The following TRIML2 variants were observed in gnomAD, a reference collection of about 807,000 sequenced individuals.
TRIML2 encodes the protein tripartite motif family like 2.
Under a neutral mutation model 31.2 loss-of-function variants are expected in TRIML2, and 28 were observed. The ratio of observed to expected loss-of-function variants is 0.90; its 90% CI spans 0.66 to 1.23. TRIML2 has a LOEUF of 1.23. Among genes scored for constraint, TRIML2 ranks in the 50% most tolerant of loss-of-function variants. The pLI is 0.00. For missense variants in TRIML2, 536 were observed against 528.3 expected, an observed-to-expected ratio of 1.01 and a Z score of -0.14; for synonymous variants, 187 against 197.5, an observed-to-expected ratio of 0.95 and a Z score of 0.45.
chr4:188,104,721 A>C (rs889014044), intron 3 of TRIML2, 116 bp downstream of exon 3: 40 of 882,986 alleles, frequency 4.5e-5, no homozygotes, highest in Non-Finnish European at 6.8e-5. Flanking sequence ...TCCTTCCTAT[A>C]GATTTCACAT....
intron 7 of TRIML2, 67 bp from the exon 8 acceptor site, chr4:188,092,008 T>C: frequency 6.7e-7 from 1 of 1,502,256 alleles, no homozygotes; most frequent in Non-Finnish European, 9.0e-7. Context: ...ACATGATTTC[T>C]AACACACCTG....
chr4:188,101,586 C>A (rs1466517406), intron 3 of TRIML2, among the ~76,000 whole-genome samples: 1 of 151,678 alleles, frequency 6.6e-6, no homozygotes, highest in African/African-American at 2.4e-5. Flanking sequence ...CCCAGCTACT[C>A]GGAAGGCTAA....
At position 188,101,190 on chromosome 4, in the gene TRIML2, A is replaced by G. The variant is rs1287129614; in HGVS notation, c.346T>C (p.Leu116=). ...AGATTCTGCTCACACTCTTCATTCAACAACCGGAGTCTCATACTATACTCA... is the reference window on the plus strand; with the variant it reads ...AGATTCTGCTCACACTCTTCATTCAGCAACCGGAGTCTCATACTATACTCA... ...ESEYSMRLRL[L]NEECEQNLQR... Residue 116 remains leucine (L), a synonymous_variant, in exon 4 of 8, where the codon TTG becomes CTG. Transcript: ENST00000682553. 1.2e-6 allele frequency: 2 copies of G among 1,613,646 alleles called. No homozygotes were observed. Among genetic ancestry groups the G allele is most frequent in the South Asian group, 1.1e-5 (1 of 91,052 alleles).
At chr4:188,099,424 C>T (rs200713373) in intron 4 of TRIML2, among the ~76,000 whole-genome samples, 19 of 152,110 alleles carry the variant, frequency 1.2e-4, no homozygotes, top group East Asian at 3.9e-4. Flanking sequence ...ATTAGCCAGG[C>T]GTGGTGGCGG....
intron 4 of TRIML2, among the ~76,000 whole-genome samples, chr4:188,100,796 T>G (rs976232085): frequency 4.6e-5 from 7 of 152,208 alleles, no homozygotes; most frequent in Admixed American, 1.3e-4. Flanking sequence ...CCCAGGTGTC[T>G]TTTTCTATGT....
intron 3 of TRIML2, among the ~76,000 whole-genome samples, chr4:188,102,930 C>T (rs1733861442): frequency 6.6e-6 from 1 of 151,660 alleles, no homozygotes; most frequent in Admixed American, 6.6e-5. Flanking sequence ...TACCTGTCCC[C>T]CAGCTCACCA....
rs111813797 is a variant in TRIML2 at position 188,096,904 on chromosome 4, G to A, written c.745+157C>T. On this transcript the variant is annotated intron_variant, in intron 7 of 7. Transcript: ENST00000682553. ...ACTCCTGGCCTCAAGCAAACCGCCC[G>A]CCTTGGCCTCCCAAAGTGCTGGGAT... 1.6e-3 allele frequency among the ~76,000 whole-genome samples: 250 copies of A among 152,146 alleles called. 3 individuals carry two copies. The highest frequency in any genetic ancestry group is 5.8e-3 in the African/African-American group (242 of 41,512).
chr4:188,099,874 A>C (rs1018404752), intron 4 of TRIML2, among the ~76,000 whole-genome samples: 3 of 152,224 alleles, frequency 2.0e-5, no homozygotes, highest in African/African-American at 7.2e-5. Flanking sequence ...TAGATTAACT[A>C]ATAAGAAATA....
At chr4:188,092,579 A>T (rs1733315890) in intron 7 of TRIML2, among the ~76,000 whole-genome samples, 1 of 152,092 alleles carries the variant, frequency 6.6e-6, no homozygotes. Flanking sequence ...GGTCTTCTAG[A>T]TCTCCAAGCC....
At chr4:188,096,260 C>T (rs958278303) in intron 7 of TRIML2, among the ~76,000 whole-genome samples, 6 of 151,346 alleles carry the variant, frequency 4.0e-5, no homozygotes, top group African/African-American at 9.7e-5. Flanking sequence ...ATTAGCCAGG[C>T]GTGGTGGCTC....
chr4:188,106,358 G>A (rs1257635115), intron 1 of TRIML2, among the ~76,000 whole-genome samples: 2 of 152,168 alleles, frequency 1.3e-5, no homozygotes, highest in African/African-American at 4.8e-5. Flanking sequence ...GCCGAAAACG[G>A]CTCTTCTAAG....
rs10607852 is a variant in TRIML2 at position 188,096,528 on chromosome 4, C to CAAAAAA, written c.745+527_745+532dup. On this transcript the variant is annotated intron_variant, in intron 7 of 7. Coordinates refer to ENST00000682553, the MANE Select transcript of TRIML2 (RefSeq NM_173553.4). ...GCCTGGGCAAAGTGAAACTCTGTCT[C>CAAAAAA]AAAAAAAAAAAAAAAAAAAAAAAAA... Among the ~76,000 whole-genome samples the CAAAAAA allele has an allele frequency of 5.1e-3, 200 of 39,286 alleles. 21 individuals are homozygous for CAAAAAA. Among genetic ancestry groups the CAAAAAA allele is most frequent in the Non-Finnish European group, 7.6e-3 (155 of 20,430 alleles). 25.8% of individuals were successfully genotyped at this position (39,286 alleles called of 152,430 possible). A position where few individuals can be genotyped will look rare whatever the true frequency, so the allele number is the denominator to read the frequency against.
intron 7 of TRIML2, chr4:188,092,807 A>G (rs753593354): frequency 4.0e-5 from 18 of 455,370 alleles, no homozygotes; most frequent in African/African-American, 1.0e-4. Context: ...CGCAGGCTCA[A>G]TGAATTCCTC....
At chr4:188,103,007 T>G (rs1483346230) in intron 3 of TRIML2, among the ~76,000 whole-genome samples, 1 of 49,880 alleles carries the variant, frequency 2.0e-5, no homozygotes, top group Non-Finnish European at 3.9e-5. Flanking sequence ...CTCTCTTGGT[T>G]TTTTTTTTTT....
intron 4 of TRIML2, among the ~76,000 whole-genome samples, 164 bp from the exon 5 acceptor site, chr4:188,099,339 G>A (rs1406856996): frequency 1.3e-5 from 2 of 152,158 alleles, no homozygotes; most frequent in East Asian, 1.9e-4. Flanking sequence ...GGCCAAGGCC[G>A]GCGGATCATG....
chr4:188,094,423 G>A (rs1733410112), intron 7 of TRIML2, among the ~76,000 whole-genome samples: 1 of 152,122 alleles, frequency 6.6e-6, no homozygotes, highest in Non-Finnish European at 1.5e-5. Context: ...GTTTTGCATA[G>A]TTATAGGGTA....
chr4:188,098,907 T>A, intron 5 of TRIML2, 128 bp downstream of exon 5: 8 of 1,101,318 alleles, frequency 7.3e-6, no homozygotes, highest in Non-Finnish European at 1.0e-5. Context: ...AAGAAAGTCA[T>A]GTAGCCTTCT....
At chr4:188,102,200 C>G (rs1733828383) in intron 3 of TRIML2, among the ~76,000 whole-genome samples, 1 of 148,340 alleles carries the variant, frequency 6.7e-6, no homozygotes, top group Non-Finnish European at 1.5e-5. Flanking sequence ...CTCTGTCAAA[C>G]AGAGGAGGAG....
intron 7 of TRIML2, chr4:188,092,960 G>A (rs1312702516): frequency 4.5e-6 from 2 of 448,720 alleles, no homozygotes; most frequent in Non-Finnish European, 9.0e-6. Flanking sequence ...CTGCCCCCAG[G>A]TAACTGTGCA....
Sources: gnomAD v4.1 joint callset for allele counts (sites outside exome capture counted in the v4.1 genomes callset) on GRCh38, gnomAD v4.1.1 for gene constraint, MANE v1.5 for transcripts, NCBI Gene and HGNC (gene_info 2026-07-23, HGNC 2026-07-21) for gene names.